SRGAP2: variants seen among roughly 807,000 people sequenced by gnomAD.
The protein encoded by SRGAP2 is SLIT-ROBO Rho GTPase activating protein 2.
Under a neutral mutation model 57.2 loss-of-function variants are expected in SRGAP2, and 15 were observed. That is an observed-to-expected ratio of 0.26 (90% confidence interval 0.18 to 0.40). The LOEUF is 0.40. SRGAP2 is among the 10% of genes least tolerant of loss of function. The pLI, the probability that SRGAP2 is intolerant of heterozygous loss-of-function variation, is 1.00. For synonymous variants in SRGAP2, 249 were observed against 248.0 expected, an observed-to-expected ratio of 1.00 and a Z score of -0.04; for missense variants, 520 against 669.6, an observed-to-expected ratio of 0.78 and a Z score of 2.47.
chr1:206,297,583 C>T (rs1671656217), intron 2 of SRGAP2, among the ~76,000 whole-genome samples: 1 of 76,000 alleles, frequency 1.3e-5, no homozygotes, highest in Non-Finnish European at 2.3e-5. Context: ...ATCTGCTCCA[C>T]GTGCTGGCAA....
At chr1:206,417,672 G>A (rs991569643) in intron 11 of SRGAP2, among the ~76,000 whole-genome samples, 6 of 150,102 alleles carry the variant, frequency 4.0e-5, no homozygotes, top group East Asian at 4.0e-4. Flanking sequence ...TGCCGGCCTC[G>A]GCCTCCCAAA....
At chr1:206,425,934 C>A (rs746125205) in intron 13 of SRGAP2, among the ~76,000 whole-genome samples, 39 of 151,592 alleles carry the variant, frequency 2.6e-4, no homozygotes, top group Non-Finnish European at 4.9e-4. Flanking sequence ...GCAACCTCCA[C>A]CTCCTGGATT....
intron 6 of SRGAP2, among the ~76,000 whole-genome samples, chr1:206,393,330 G>A (rs2255806): frequency 2.4e-4 from 27 of 111,384 alleles, no homozygotes; most frequent in Non-Finnish European, 1.3e-4. Flanking sequence ...AGTGGGGCAC[G>A]CATCTTAAGT....
chr1:206,384,488 G>A (rs1656004989), intron 5 of SRGAP2, among the ~76,000 whole-genome samples: 1 of 151,746 alleles, frequency 6.6e-6, no homozygotes, highest in African/African-American at 2.4e-5. Flanking sequence ...TCAGATCTTG[G>A]ATTGATGTAT....
intron 3 of SRGAP2, among the ~76,000 whole-genome samples, chr1:206,313,045 T>A (rs1187336286): frequency 6.6e-6 from 1 of 151,994 alleles, no homozygotes; most frequent in African/African-American, 2.4e-5. Context: ...TAGCTCATTT[T>A]TTTAGGTAGC....
intron 5 of SRGAP2, among the ~76,000 whole-genome samples, chr1:206,389,980 A>G (rs1379724686): frequency 6.6e-6 from 1 of 151,222 alleles, no homozygotes; most frequent in Non-Finnish European, 1.5e-5. Context: ...ACATATGTAT[A>G]TGTACATAGA....
intron 14 of SRGAP2, among the ~76,000 whole-genome samples, chr1:206,434,367 A>G (rs914025739): frequency 6.6e-6 from 1 of 152,200 alleles, no homozygotes; most frequent in African/African-American, 2.4e-5. Context: ...CTGCTGTAGA[A>G]ATCATTTGAA....
chr1:206,452,524 T>C (rs2026081), intron 19 of SRGAP2, among the ~76,000 whole-genome samples: 29,457 of 152,080 alleles, frequency 0.19, 3,070 homozygotes, highest in South Asian at 0.27. Flanking sequence ...CTTAAAAATA[T>C]AGTATGGCAA....
At chr1:206,364,548 G>A (rs1328291838) in intron 4 of SRGAP2, among the ~76,000 whole-genome samples, 3 of 151,930 alleles carry the variant, frequency 2.0e-5, no homozygotes, top group Admixed American at 6.6e-5. Flanking sequence ...TGATCCACCC[G>A]CCTCGGCCTC....
chr1:206,260,636 T>C (rs1669491969), intron 2 of SRGAP2, among the ~76,000 whole-genome samples: 1 of 152,254 alleles, frequency 6.6e-6, no homozygotes, highest in South Asian at 2.1e-4. Flanking sequence ...CTTGGGGATC[T>C]TTCCTTGTTG....
intron 4 of SRGAP2, among the ~76,000 whole-genome samples, chr1:206,355,374 T>C (rs1676355000): frequency 1.3e-5 from 2 of 152,066 alleles, no homozygotes; most frequent in African/African-American, 4.8e-5. Flanking sequence ...GCATAATAAG[T>C]GATGTTAGTA....
At chr1:206,256,078 G>C (rs558842562) in intron 2 of SRGAP2, among the ~76,000 whole-genome samples, 1 of 149,750 alleles carries the variant, frequency 6.7e-6, no homozygotes, top group Non-Finnish European at 1.5e-5. Flanking sequence ...AGATGACTCT[G>C]TATAAGCTTT....
intron 2 of SRGAP2, among the ~76,000 whole-genome samples, chr1:206,249,846 C>T (rs1668732107): frequency 6.7e-6 from 1 of 148,786 alleles, no homozygotes; most frequent in African/African-American, 2.5e-5. Flanking sequence ...GTCTGACTCC[C>T]CCTCCTCCTT....
In SRGAP2 at chr1:206,463,778, C is replaced by T. The variant is rs782617520; in HGVS notation, c.*2358C>T. ...TGGTCCTGTCGAGAGGACTAGGAAC[C>T]GATAGGAGGAGAGTCCTTCTCGGCA... On this transcript the variant is annotated 3_prime_UTR_variant, in exon 23 of 23. Transcript: ENST00000573034. 3.3e-5 allele frequency: 5 copies of T among 152,586 alleles called. No individual in the cohort carries two copies. Among genetic ancestry groups the T allele is most frequent in the Non-Finnish European group, 5.9e-5 (4 of 68,046 alleles). 9.5% of individuals were successfully genotyped at this position (152,586 alleles called of 1,614,324 possible).
intron 4 of SRGAP2, among the ~76,000 whole-genome samples, chr1:206,373,005 CTTT>C (rs1654814599): frequency 2.0e-5 from 2 of 99,740 alleles, no homozygotes; most frequent in Non-Finnish European, 4.0e-5. Flanking sequence ...TTCTTTCTTT[CTTT>C]CTTTCTTTCT....
At position 206,442,360 on chromosome 1, in the gene SRGAP2, G is replaced by A. The variant is rs1027448972; in HGVS notation, c.1874+2279G>A. Among the ~76,000 whole-genome samples the A allele has an allele frequency of 3.3e-5, 5 of 152,172 alleles. No homozygotes were observed. The South Asian group carries it at 6.2e-4, about 19-fold the overall frequency. On this transcript the variant is annotated intron_variant, in intron 17 of 22. Transcript: ENST00000573034. ...CCTGGAAACTCTGCTAATTACTCTC[G>A]AGTTAGTCCCTTCAGGGCTACCAGT...
intron 14 of SRGAP2, among the ~76,000 whole-genome samples, chr1:206,436,385 C>G (rs1021718375): frequency 2.7e-5 from 4 of 150,606 alleles, no homozygotes; most frequent in African/African-American, 9.8e-5. Flanking sequence ...AGAGTCCACT[C>G]TGTCACCCAG....
At chr1:206,206,530 G>A (rs1665930298) in intron 2 of SRGAP2, 1 of 158,188 alleles carries the variant, frequency 6.3e-6, no homozygotes, top group African/African-American at 2.5e-5. Flanking sequence ...TAAAACATGA[G>A]ATTTGCAATG....
chr1:206,463,537 G>A lies in SRGAP2; in HGVS notation c.*2117G>A, dbSNP rs1553381792. The A allele has an allele frequency of 6.6e-6, 1 of 152,618 alleles. No individual in the cohort carries two copies. Among genetic ancestry groups the A allele is most frequent in the Non-Finnish European group, 1.5e-5 (1 of 68,062 alleles). 9.5% of individuals were successfully genotyped at this position (152,618 alleles called of 1,614,324 possible). On this transcript the variant is annotated 3_prime_UTR_variant, in exon 23 of 23. Transcript: ENST00000573034. Reference sequence around the variant, plus strand: ...TCCCCTCTAAGAAAGTAAAAGCAAAGCTTTCTTAATGGCAACACTTTGGGC... The same window carrying A: ...TCCCCTCTAAGAAAGTAAAAGCAAAACTTTCTTAATGGCAACACTTTGGGC...
Sources: gnomAD v4.1 joint callset for allele counts (sites outside exome capture counted in the v4.1 genomes callset) on GRCh38, gnomAD v4.1.1 for gene constraint, MANE v1.5 for transcripts, NCBI Gene and HGNC (gene_info 2026-07-23, HGNC 2026-07-21) for gene names.